Variants in PRDM16 observed in about 807,000 individuals in gnomAD.
PRDM16 encodes histone-lysine N-methyltransferase PRDM16.
Under a neutral mutation model 110.6 loss-of-function variants are expected in PRDM16, and 23 were observed. That is an observed-to-expected ratio of 0.21 (90% CI 0.15 to 0.29). The LOEUF is 0.29. PRDM16 is among the 10% of genes least tolerant of loss of function. The pLI is 1.00. For missense variants in PRDM16, 1,615 were observed against 1,794.3 expected (o/e 0.90, Z 1.81); for synonymous variants, 799 against 781.8 (o/e 1.02, Z -0.37).
At chr1:3,268,805 G>C (rs1375310595) in intron 3 of PRDM16, among the ~76,000 whole-genome samples, 1 of 152,224 alleles carries the variant, frequency 6.6e-6, no homozygotes, top group Non-Finnish European at 1.5e-5. Context: ...GCAGCCGTGA[G>C]CCATGACCCA....
Position 3,437,485 on chromosome 1 carries a change from G to A in PRDM16, c.*3674G>A, listed in dbSNP as rs116957687. ...TTCACTGTGCTGTCCTAGGGGGAGG[G>A]AGAGCAGAGCTCGCCCCTGCACTGC... On this transcript the variant is annotated 3_prime_UTR_variant, in exon 17 of 17. Transcript: ENST00000270722. 7.0e-5 allele frequency: 16 copies of A among 229,584 alleles called. No homozygotes were observed. The East Asian group carries it at 9.3e-4, about 13-fold the overall frequency. The allele number at this position is 229,584 out of a possible 1,614,324, so 14.2% of individuals were successfully genotyped here. A position where few individuals can be genotyped will look rare whatever the true frequency, so the allele number is the denominator to read the frequency against.
Position 3,401,933 on chromosome 1 carries a change from A to G in PRDM16, c.677-858A>G, listed in dbSNP as rs944569033. 1.2e-4 allele frequency among the ~76,000 whole-genome samples: 19 copies of G among 152,360 alleles called. 1 individual carries two copies. Among genetic ancestry groups the G allele is most frequent in the Admixed American group, 1.0e-3 (16 of 15,310 alleles). ...CAGAAACACATGCATCCTCACACAC[A>G]TGCACATGAGTACCCATGCAGGCCC... On this transcript the variant is annotated intron_variant, in intron 5 of 16. Coordinates refer to ENST00000270722, the MANE Select transcript of PRDM16 (RefSeq NM_022114.4).
chr1:3,428,439 C>T (rs529745140), intron 14 of PRDM16, among the ~76,000 whole-genome samples: 18 of 152,288 alleles, frequency 1.2e-4, no homozygotes, highest in Non-Finnish European at 2.5e-4. Context: ...GGGGTGGGGA[C>T]GAGGGAGGCT....
At chr1:3,239,509 C>G (rs1490440756) in intron 2 of PRDM16, among the ~76,000 whole-genome samples, 1 of 152,106 alleles carries the variant, frequency 6.6e-6, no homozygotes, top group African/African-American at 2.4e-5. Context: ...CCCTGGGTGC[C>G]CTGCATAGAC....
At chr1:3,082,713 G>A (rs1442728186) in intron 1 of PRDM16, among the ~76,000 whole-genome samples, 1 of 152,230 alleles carries the variant, frequency 6.6e-6, no homozygotes, top group African/African-American at 2.4e-5. Flanking sequence ...CCCTGTTGCC[G>A]CAGCAAGGAG....
intron 3 of PRDM16, among the ~76,000 whole-genome samples, chr1:3,313,332 A>T (rs1641511775): frequency 1.3e-5 from 2 of 152,282 alleles, no homozygotes; most frequent in South Asian, 4.1e-4. Context: ...TCAGAAGGGG[A>T]GAGCTGAGCT....
chr1:3,098,002 T>A (rs1642446536), intron 1 of PRDM16, among the ~76,000 whole-genome samples: 1 of 152,098 alleles, frequency 6.6e-6, no homozygotes, highest in Admixed American at 6.5e-5. Context: ...AGGGCAGGTG[T>A]CCAATGGTGC....
intron 4 of PRDM16, among the ~76,000 whole-genome samples, chr1:3,391,543 C>G (rs921175332): frequency 1.3e-5 from 2 of 152,206 alleles, no homozygotes; most frequent in African/African-American, 4.8e-5. Flanking sequence ...CAGATCCAAA[C>G]CACACAACTA....
intron 1 of PRDM16, among the ~76,000 whole-genome samples, chr1:3,099,200 C>G (rs1408707580): frequency 1.3e-5 from 2 of 152,224 alleles, no homozygotes; most frequent in Admixed American, 6.5e-5. Flanking sequence ...GCAGCTCGGT[C>G]AGCCCTTCAG....
chr1:3,125,808 G>A (rs971472262), intron 1 of PRDM16, among the ~76,000 whole-genome samples: 11 of 152,226 alleles, frequency 7.2e-5, no homozygotes, highest in African/African-American at 2.4e-4. Context: ...CAGGCGAGGC[G>A]CGGCCAAGGG....
chr1:3,096,959 G>A (rs994025994), intron 1 of PRDM16, among the ~76,000 whole-genome samples: 5 of 152,192 alleles, frequency 3.3e-5, no homozygotes, highest in African/African-American at 1.2e-4. Context: ...TGCTCTCTGT[G>A]CCCCTTCTCT....
rs1185216465 is a variant in PRDM16, at chr1:3,186,491, G to C, written c.387+17G>C. The C allele has an allele frequency of 7.1e-7, 1 of 1,401,014 alleles. No homozygotes were observed. The highest frequency in any genetic ancestry group is 1.4e-5 in the African/African-American group (1 of 69,454). The allele number at this position is 1,401,014 out of a possible 1,614,324, so 86.8% of individuals were successfully genotyped here. A position where few individuals can be genotyped will look rare whatever the true frequency, so the allele number is the denominator to read the frequency against. On this transcript the variant is annotated intron_variant, in intron 2 of 16. Transcript: ENST00000270722. ...GGATGGGAGGTGAGCGATCGCGCCTGAGTATGATTGATCACGGCCATTTAT... is the reference window on the plus strand; with the variant it reads ...GGATGGGAGGTGAGCGATCGCGCCTCAGTATGATTGATCACGGCCATTTAT...
intron 1 of PRDM16, among the ~76,000 whole-genome samples, chr1:3,181,552 G>GGTCTTACACACAGTCTTACA (rs755533699): frequency 3.6e-5 from 1 of 27,432 alleles, no homozygotes; most frequent in Non-Finnish European, 7.8e-5. Flanking sequence ...TCTTACACAC[G>GGTCTTACACACAGTCTTACA]CAGTCTTACA....
intron 1 of PRDM16, among the ~76,000 whole-genome samples, chr1:3,090,426 G>C (rs1642249486): frequency 6.6e-6 from 1 of 152,270 alleles, no homozygotes; most frequent in Admixed American, 6.5e-5. Context: ...AGGCCTGGTG[G>C]AACTCCTCTG....
chr1:3,349,855 G>A (rs1557625780), intron 3 of PRDM16, among the ~76,000 whole-genome samples: 1 of 152,196 alleles, frequency 6.6e-6, no homozygotes, highest in Non-Finnish European at 1.5e-5. Flanking sequence ...AGCCTCCGCA[G>A]CCCCCGCAGC....
At chr1:3,420,046 C>T (rs1018661143) in intron 12 of PRDM16, among the ~76,000 whole-genome samples, 10 of 152,150 alleles carry the variant, frequency 6.6e-5, no homozygotes, top group East Asian at 1.9e-4. Context: ...TAATGAGAGC[C>T]GACTTCTGGA....
intron 3 of PRDM16, among the ~76,000 whole-genome samples, chr1:3,328,966 A>C (rs1226186058): frequency 6.6e-6 from 1 of 152,030 alleles, no homozygotes; most frequent in African/African-American, 2.4e-5. Flanking sequence ...GCGGGTAGGG[A>C]ACTCCCCAGC....
At chr1:3,091,840 G>C (rs1455972149) in intron 1 of PRDM16, among the ~76,000 whole-genome samples, 1 of 152,232 alleles carries the variant, frequency 6.6e-6, no homozygotes, top group East Asian at 1.9e-4. Context: ...TGAACCTGGA[G>C]AGAAAGGGCC....
intron 1 of PRDM16, among the ~76,000 whole-genome samples, chr1:3,139,520 C>T (rs1197180169): frequency 2.0e-5 from 3 of 152,250 alleles, no homozygotes; most frequent in African/African-American, 7.2e-5. Context: ...CCCAGGCGCT[C>T]AGCCCAGCAG....
Sources: gnomAD v4.1 joint callset for allele counts (sites outside exome capture counted in the v4.1 genomes callset) on GRCh38, gnomAD v4.1.1 for gene constraint, MANE v1.5 for transcripts, NCBI Gene and HGNC (gene_info 2026-07-23, HGNC 2026-07-21) for gene names.